CHCHD6: variants seen among roughly 807,000 people sequenced by gnomAD.
The protein encoded by CHCHD6 is coiled-coil-helix-coiled-coil-helix domain containing 6.
A neutral mutation model predicts 32.3 loss-of-function variants in CHCHD6; 28 were observed. The ratio of observed to expected loss-of-function variants is 0.87; its 90% CI spans 0.64 to 1.19. The LOEUF (loss-of-function observed/expected upper bound fraction) is 1.19, where lower values mean the gene tolerates loss of function less well. Ranked by LOEUF, CHCHD6 falls within the 50% of genes most tolerant of loss-of-function variation. CHCHD6 has a pLI of 0.00. For synonymous variants in CHCHD6, 122 were observed against 117.5 expected, an observed-to-expected ratio of 1.04 and a Z score of -0.25; for missense variants, 333 against 307.0, an observed-to-expected ratio of 1.08 and a Z score of -0.63.
intron 5 of CHCHD6, chr3:126,854,748 A>T (rs1460105132): frequency 6.6e-6 from 1 of 152,498 alleles, no homozygotes; most frequent in African/African-American, 2.4e-5. Context: ...TTTCGGGGAA[A>T]GTTGGATAAG....
chr3:126,757,859 C>T (rs1201395018), intron 4 of CHCHD6, among the ~76,000 whole-genome samples: 2 of 151,918 alleles, frequency 1.3e-5, no homozygotes, highest in African/African-American at 2.4e-5. Flanking sequence ...CTAATTCAGA[C>T]TTTAAAAAAG....
In CHCHD6 at chr3:126,913,773, G is replaced by T. The variant is rs116787942; in HGVS notation, c.496-907G>T. 3.3e-3 allele frequency among the ~76,000 whole-genome samples: 509 copies of T among 152,342 alleles called. 5 individuals are homozygous for T. Among genetic ancestry groups the T allele is most frequent in the African/African-American group, 0.011 (475 of 41,578 alleles). On this transcript the variant is annotated intron_variant, in intron 5 of 7. Transcript: ENST00000290913. ...GGAGGCTGCTAGCAGATGCGTTAATGTCAGTCTCCCCTCAGAACATGCGAA... is the reference window on the plus strand; with the variant it reads ...GGAGGCTGCTAGCAGATGCGTTAATTTCAGTCTCCCCTCAGAACATGCGAA...
intron 6 of CHCHD6, among the ~76,000 whole-genome samples, chr3:126,935,657 A>G (rs1377463434): frequency 6.6e-6 from 1 of 152,264 alleles, no homozygotes; most frequent in Non-Finnish European, 1.5e-5. Flanking sequence ...GTTTGAAGAT[A>G]TAAAGGGAAA....
At chr3:126,830,982 C>G (rs1940614108) in intron 4 of CHCHD6, among the ~76,000 whole-genome samples, 4 of 152,272 alleles carry the variant, frequency 2.6e-5, no homozygotes, top group Non-Finnish European at 5.9e-5. Context: ...GGGGCCGCAC[C>G]CTGTGTGCTT....
intron 4 of CHCHD6, among the ~76,000 whole-genome samples, chr3:126,831,188 T>C (rs1295387558): frequency 6.6e-6 from 1 of 152,152 alleles, no homozygotes; most frequent in African/African-American, 2.4e-5. Context: ...CATGCCTGGC[T>C]AATTTTTTTT....
chr3:126,899,695 C>G (rs893262906), intron 5 of CHCHD6, among the ~76,000 whole-genome samples: 1 of 152,176 alleles, frequency 6.6e-6, no homozygotes, highest in Non-Finnish European at 1.5e-5. Flanking sequence ...CATCCATTCA[C>G]CTTTCCTGGT....
chr3:126,725,911 T>C (rs1169768069), intron 1 of CHCHD6, among the ~76,000 whole-genome samples: 4 of 152,230 alleles, frequency 2.6e-5, no homozygotes, highest in African/African-American at 9.6e-5. Flanking sequence ...GGCTTTTGCT[T>C]AAGGGAATAC....
At chr3:126,864,613 C>T (rs1942171139) in intron 5 of CHCHD6, among the ~76,000 whole-genome samples, 1 of 150,232 alleles carries the variant, frequency 6.7e-6, no homozygotes, top group Admixed American at 6.6e-5. Flanking sequence ...CCTCCACCTC[C>T]ACCACCTCCT....
chr3:126,775,403 T>C (rs1456824631), intron 4 of CHCHD6, among the ~76,000 whole-genome samples: 1 of 152,214 alleles, frequency 6.6e-6, no homozygotes, highest in Non-Finnish European at 1.5e-5. Flanking sequence ...GAATTGCCTC[T>C]TCATGTCCCG....
chr3:126,907,278 A>G (rs1270148364), intron 5 of CHCHD6, among the ~76,000 whole-genome samples: 1 of 152,212 alleles, frequency 6.6e-6, no homozygotes, highest in African/African-American at 2.4e-5. Context: ...AGAACAAGAC[A>G]GGAAAGAGGG....
chr3:126,725,277 A>G (rs1935479849), intron 1 of CHCHD6, among the ~76,000 whole-genome samples: 1 of 152,248 alleles, frequency 6.6e-6, no homozygotes, highest in South Asian at 2.1e-4. Context: ...TGAAAATAAC[A>G]TTCATCTTGT....
intron 4 of CHCHD6, among the ~76,000 whole-genome samples, chr3:126,834,527 G>C (rs1940775959): frequency 1.3e-5 from 2 of 152,200 alleles, no homozygotes; most frequent in African/African-American, 4.8e-5. Flanking sequence ...AAGCAGGGGA[G>C]CTCCTAGGTC....
chr3:126,762,759 A>G (rs1449016585), intron 4 of CHCHD6, among the ~76,000 whole-genome samples: 1 of 152,180 alleles, frequency 6.6e-6, no homozygotes, highest in Admixed American at 6.5e-5. Flanking sequence ...TTTTCAGTGC[A>G]TGTATATTTA....
At chr3:126,941,719 CAT>C (rs2078562983) in intron 6 of CHCHD6, among the ~76,000 whole-genome samples, 2 of 152,318 alleles carry the variant, frequency 1.3e-5, no homozygotes, top group South Asian at 2.1e-4. Flanking sequence ...TGATTTTTTA[CAT>C]GTTACAGAAT....
rs187850216 is a variant in CHCHD6, at chr3:126,791,608, G to C, written c.411+58386G>C. ...ACAATGAGCGAGGCTCCGTGGGTGT[G>C]TGACCTTTTTTGTTTTTTGAGATGG... On this transcript the variant is annotated intron_variant, in intron 4 of 7. Coordinates refer to ENST00000290913, the MANE Select transcript of CHCHD6 (RefSeq NM_032343.3). Among the ~76,000 whole-genome samples, 778 of 151,834 alleles carry C rather than the reference G, an allele frequency of 5.1e-3. 1 individual carries two copies. Among genetic ancestry groups the C allele is most frequent in the Admixed American group, 7.3e-3 (111 of 15,260 alleles).
In CHCHD6 at chr3:126,960,277, T is replaced by TG. The variant is rs2078842589; in HGVS notation, c.*77dup. The TG allele has an allele frequency of 6.5e-7, 1 of 1,531,328 alleles. No homozygotes were observed. The highest frequency in any genetic ancestry group is 8.8e-7 in the Non-Finnish European group (1 of 1,130,490). The allele number at this position is 1,531,328 out of a possible 1,614,324, so 94.9% of individuals were successfully genotyped here. On this transcript the variant is annotated 3_prime_UTR_variant, in exon 8 of 8. Coordinates refer to ENST00000290913, the MANE Select transcript of CHCHD6 (RefSeq NM_032343.3). ...GGACCAATCATGGGACCACAGCCAC[T>TG]GTGCCCTGCCGTTTCCTGCTGGGCC...
intron 1 of CHCHD6, among the ~76,000 whole-genome samples, chr3:126,722,616 A>G (rs1181976224): frequency 2.0e-5 from 3 of 152,100 alleles, no homozygotes; most frequent in African/African-American, 4.8e-5. Flanking sequence ...AAAAATTTCT[A>G]TTTAGATCCT....
chr3:126,800,855 A>G (rs767587951), intron 4 of CHCHD6, among the ~76,000 whole-genome samples: 3 of 152,180 alleles, frequency 2.0e-5, no homozygotes, highest in Non-Finnish European at 4.4e-5. Flanking sequence ...AGAGGGCCCA[A>G]GTGAAAAGCT....
chr3:126,744,921 A>G (rs1157569183), intron 4 of CHCHD6, among the ~76,000 whole-genome samples: 1 of 152,122 alleles, frequency 6.6e-6, no homozygotes, highest in Non-Finnish European at 1.5e-5. Flanking sequence ...TGTCTTTTTG[A>G]CTGGCAGTCC....
Sources: gnomAD v4.1 joint callset for allele counts (sites outside exome capture counted in the v4.1 genomes callset) on GRCh38, gnomAD v4.1.1 for gene constraint, MANE v1.5 for transcripts, NCBI Gene and HGNC (gene_info 2026-07-23, HGNC 2026-07-21) for gene names.